Variants in CDH13 observed in about 807,000 individuals in gnomAD.
CDH13 encodes cadherin-13.
In CDH13, 24 loss-of-function variants were observed where a neutral mutation model predicts 63.8. That is an observed-to-expected ratio of 0.38 (90% CI 0.27 to 0.53). The LOEUF (loss-of-function observed/expected upper bound fraction) is 0.53. CDH13 is among the 20% of genes least tolerant of loss of function. The probability of loss-of-function intolerance (pLI) is 0.85; values close to 1 mark genes in which losing one functional copy is unlikely to be tolerated. For synonymous variants in CDH13, 503 were observed against 355.3 expected, an observed-to-expected ratio of 1.42 and a Z score of -4.67; for missense variants, 1,049 against 903.1, an observed-to-expected ratio of 1.16 and a Z score of -2.07.
intron 4 of CDH13, among the ~76,000 whole-genome samples, chr16:83,181,754 G>T (rs1243302456): frequency 6.6e-6 from 1 of 152,116 alleles, no homozygotes; most frequent in Non-Finnish European, 1.5e-5. Flanking sequence ...GTCTCTGAAT[G>T]CCTGAAATCA....
chr16:83,431,141 G>A (rs542100769), intron 6 of CDH13, among the ~76,000 whole-genome samples: 17 of 151,910 alleles, frequency 1.1e-4, no homozygotes, highest in South Asian at 4.2e-4. Context: ...TACAAAGGAC[G>A]TGAACTCATC....
chr16:83,007,858 T>G (rs1031416943), intron 2 of CDH13, among the ~76,000 whole-genome samples: 1 of 151,970 alleles, frequency 6.6e-6, no homozygotes, highest in Non-Finnish European at 1.5e-5. Context: ...AAAAATGCCT[T>G]AAAATTATTA....
intron 7 of CDH13, among the ~76,000 whole-genome samples, chr16:83,531,235 T>G (rs1456747020): frequency 6.6e-6 from 1 of 152,202 alleles, no homozygotes; most frequent in Non-Finnish European, 1.5e-5. Flanking sequence ...TAACTAGGCC[T>G]CTGGTCTCTG....
At chr16:82,889,267 T>G (rs1373461374) in intron 2 of CDH13, among the ~76,000 whole-genome samples, 1 of 151,914 alleles carries the variant, frequency 6.6e-6, no homozygotes, top group Admixed American at 6.6e-5. Flanking sequence ...GCACTCTTGA[T>G]TCAGGAAAAT....
intron 2 of CDH13, among the ~76,000 whole-genome samples, chr16:82,949,227 A>G (rs921697205): frequency 6.6e-6 from 1 of 152,120 alleles, no homozygotes; most frequent in South Asian, 2.1e-4. Context: ...CTAGGGGAGG[A>G]TTCGGCCTCA....
chr16:83,497,387 C>T (rs1162824875), intron 7 of CDH13, among the ~76,000 whole-genome samples: 1 of 151,904 alleles, frequency 6.6e-6, no homozygotes, highest in African/African-American at 2.4e-5. Flanking sequence ...TGGAAGTCAT[C>T]ATTCTCAGTA....
At chr16:83,426,242 T>C (rs1352013120) in intron 6 of CDH13, among the ~76,000 whole-genome samples, 1 of 152,328 alleles carries the variant, frequency 6.6e-6, no homozygotes, top group African/African-American at 2.4e-5. Flanking sequence ...TCTAGGGCTC[T>C]GGATTCTGGT....
chr16:82,658,835 T>C (rs1911599437), intron 1 of CDH13, among the ~76,000 whole-genome samples: 1 of 152,186 alleles, frequency 6.6e-6, no homozygotes, highest in African/African-American at 2.4e-5. Flanking sequence ...AAAACATACA[T>C]TTTTCCCTGT....
At chr16:82,851,458 A>G (rs2039483320) in intron 1 of CDH13, among the ~76,000 whole-genome samples, 1 of 151,112 alleles carries the variant, frequency 6.6e-6, no homozygotes, top group Non-Finnish European at 1.5e-5. Flanking sequence ...AAAGAAAAAG[A>G]AAAAGAAAAA....
At chr16:83,487,085 C>T (rs1366434949) in intron 7 of CDH13, among the ~76,000 whole-genome samples, 1 of 152,098 alleles carries the variant, frequency 6.6e-6, no homozygotes, top group South Asian at 2.1e-4. Context: ...TTTCTCCAAC[C>T]CTTTGCTGCA....
intron 5 of CDH13, among the ~76,000 whole-genome samples, chr16:83,229,783 A>G (rs1267946120): frequency 1.3e-5 from 2 of 152,140 alleles, no homozygotes; most frequent in Non-Finnish European, 2.9e-5. Context: ...ATGAGGGACT[A>G]TCTTATATTC....
At chr16:82,908,476 G>T (rs1026444431) in intron 2 of CDH13, among the ~76,000 whole-genome samples, 1 of 152,180 alleles carries the variant, frequency 6.6e-6, no homozygotes, top group Non-Finnish European at 1.5e-5. Context: ...GGGGCCACCT[G>T]CCCAGCAGGC....
intron 5 of CDH13, among the ~76,000 whole-genome samples, chr16:83,244,752 G>A (rs1255826056): frequency 1.3e-5 from 2 of 152,194 alleles, no homozygotes; most frequent in African/African-American, 4.8e-5. Context: ...CAGCTTTCAA[G>A]CGGAGTCACA....
chr16:83,753,544 T>A (rs1186671896), intron 11 of CDH13, among the ~76,000 whole-genome samples: 1 of 151,936 alleles, frequency 6.6e-6, no homozygotes, highest in Non-Finnish European at 1.5e-5. Context: ...AGACCCCGTC[T>A]CAAAAAAAAA....
chr16:82,919,213 A>G (rs1370888087), intron 2 of CDH13, among the ~76,000 whole-genome samples: 2 of 152,068 alleles, frequency 1.3e-5, no homozygotes, highest in Non-Finnish European at 2.9e-5. Flanking sequence ...TTACTTTTTA[A>G]ACTGTTATTT....
intron 2 of CDH13, among the ~76,000 whole-genome samples, chr16:82,913,723 C>T (rs1229378984): frequency 1.3e-5 from 2 of 151,868 alleles, no homozygotes; most frequent in Non-Finnish European, 2.9e-5. Context: ...GTGGGTACCC[C>T]ATGCGCAGAT....
At chr16:83,185,625 C>T (rs931579800) in intron 4 of CDH13, among the ~76,000 whole-genome samples, 1 of 152,230 alleles carries the variant, frequency 6.6e-6, no homozygotes, top group African/African-American at 2.4e-5. Context: ...CACTCCCACC[C>T]ATGCCTCTGA....
At chr16:83,252,851 C>T (rs143457783) in intron 5 of CDH13, among the ~76,000 whole-genome samples, 85 of 152,222 alleles carry the variant, frequency 5.6e-4, no homozygotes, top group East Asian at 1.9e-3. Context: ...CAAGAATAAG[C>T]GTACAGAGTT....
intron 7 of CDH13, among the ~76,000 whole-genome samples, chr16:83,502,135 A>C (rs1414081362): frequency 3.3e-5 from 5 of 152,190 alleles, no homozygotes; most frequent in Admixed American, 3.3e-4. Context: ...CCTCATCCTA[A>C]TTCCCAGAAC....
Sources: allele counts gnomAD v4.1 joint callset (sites outside exome capture counted in the v4.1 genomes callset), GRCh38; gene constraint gnomAD v4.1.1; transcripts MANE v1.5; gene names NCBI Gene and HGNC (gene_info 2026-07-23, HGNC 2026-07-21).